The following SLC24A1 variants were observed in gnomAD, a reference collection of about 807,000 sequenced individuals.
SLC24A1 encodes the protein solute carrier family 24 member 1, also known as sodium/potassium/calcium exchanger 1.
In SLC24A1, 52 loss-of-function variants were observed where a neutral mutation model predicts 88.1. The observed-to-expected ratio is 0.59, with a 90% CI of 0.47 to 0.74. The LOEUF is 0.74. Ranked by LOEUF, SLC24A1 falls within the 30% of genes least tolerant of loss-of-function variation. SLC24A1 has a pLI of 0.00. For missense variants in SLC24A1, 1,173 were observed against 1,363.3 expected (o/e 0.86, Z 2.20); for synonymous variants, 455 against 498.0 (o/e 0.91, Z 1.15).
At chr15:65,651,976 G>A (rs2075525114) in intron 8 of SLC24A1, 2 of 551,106 alleles carry the variant, frequency 3.6e-6, no homozygotes, top group Non-Finnish European at 3.4e-6. Flanking sequence ...GGCATAGAAG[G>A]CCTTGGAATC....
rs1317539437 is a variant in SLC24A1 at position 65,625,161 on chromosome 15, C to T, written c.1081C>T (p.Pro361Ser). The change falls in exon 2 of 10, where the codon CCA becomes TCA. Residue 361 changes from proline (P) to serine (S), a missense_variant. Physicochemically the swap from Pro to Ser is moderately conservative, Grantham distance 74. Coordinates refer to ENST00000261892, the MANE Select transcript of SLC24A1 (RefSeq NM_004727.3). ...CAGTGTATCAGCCATCAAAACAGCC[C>T]CAGCCATAGTCTGGAGGCTGGCAAA... is the stretch of plus-strand genomic sequence containing the variant. ...RTSVSAIKTA[P>S]AIVWRLAKKP... 1.9e-6 allele frequency: 3 copies of T among 1,613,778 alleles called. No individual in the cohort carries two copies. The highest frequency in any genetic ancestry group is 1.7e-6 in the Non-Finnish European group (2 of 1,179,890).
intron 2 of SLC24A1, among the ~76,000 whole-genome samples, chr15:65,635,446 C>CAAAAAAAAAAAA (rs56960432): frequency 1.4e-3 from 79 of 58,256 alleles, no homozygotes; most frequent in African/African-American, 4.3e-3. Context: ...ACTCCGTCTC[C>CAAAAAAAAAAAA]AAAAAAAAAA....
intron 4 of SLC24A1, chr15:65,644,018 C>T: frequency 5.1e-6 from 1 of 197,250 alleles, no homozygotes; most frequent in Non-Finnish European, 1.0e-5. Flanking sequence ...ACAGACATTA[C>T]CAATCAATCA....
intron 8 of SLC24A1, chr15:65,652,254 C>T (rs1457523460): frequency 2.5e-5 from 7 of 283,670 alleles, no homozygotes; most frequent in Non-Finnish European, 4.1e-5. Flanking sequence ...CACCTCCAGC[C>T]TCTTAGTTCC....
chr15:65,611,495 T>G (rs1328048063), exon 1 of SLC24A1: 2 of 415,764 alleles, frequency 4.8e-6, no homozygotes, highest in African/African-American at 4.0e-5. Context: ...TGACTCTGTG[T>G]CCGCTTCACA....
intron 7 of SLC24A1, among the ~76,000 whole-genome samples, chr15:65,651,387 C>G (rs550538226): frequency 1.3e-5 from 2 of 152,262 alleles, no homozygotes; most frequent in East Asian, 3.9e-4. Flanking sequence ...AACCAGATAC[C>G]TAGATTGGCC....
At position 65,654,705 on chromosome 15, in the gene SLC24A1, TTC is replaced by T. The variant is rs1467425071; in HGVS notation, c.*628_*629del. The T allele has an allele frequency of 2.3e-6, 3 of 1,279,264 alleles. No homozygotes were observed. Among genetic ancestry groups the T allele is most frequent in the East Asian group, 5.6e-5 (1 of 17,980 alleles). 79.2% of individuals were successfully genotyped at this position (1,279,264 alleles called of 1,614,324 possible). Reference sequence around the variant, plus strand: ...CTGCATCTGGATATATACCAGTATTTTCTTTTTTTTTTTTTTTGAGACAGAGT... The same window carrying T: ...CTGCATCTGGATATATACCAGTATTTTTTTTTTTTTTTTTTGAGACAGAGT... On this transcript the variant is annotated 3_prime_UTR_variant, in exon 10 of 10. Transcript: ENST00000261892.
chr15:65,653,358 G>T (rs750768368), intron 9 of SLC24A1, among the ~76,000 whole-genome samples: 4 of 152,204 alleles, frequency 2.6e-5, no homozygotes, highest in Non-Finnish European at 4.4e-5. Context: ...TTGAATTTGT[G>T]TATGTGTATT....
upstream of SLC24A1, among the ~76,000 whole-genome samples, chr15:65,621,463 CT>C (rs1021306993): frequency 3.3e-5 from 5 of 152,164 alleles, no homozygotes; most frequent in Non-Finnish European, 5.9e-5. Context: ...TTGAAGTTTG[CT>C]TGGTGTTTTC....
rs2075466686 is a variant in SLC24A1 at position 65,650,711 on chromosome 15, T to G, written c.2562T>G (p.Ser854Arg). ...DEKGVEDGGG[S>R]DGGDSEEEEE... ...AAGGTGTAGAAGATGGAGGGGGAAGTGATGGAGGGGATAGCGAAGAGGAGG... is the reference window on the plus strand; with the variant it reads ...AAGGTGTAGAAGATGGAGGGGGAAGGGATGGAGGGGATAGCGAAGAGGAGG... The change falls in exon 7 of 10, where the codon AGT becomes AGG. Residue 854 changes from serine to arginine, a missense_variant. By Grantham distance (110) the Ser-to-Arg change is moderately radical. Coordinates refer to ENST00000261892, the MANE Select transcript of SLC24A1 (RefSeq NM_004727.3). The surrounding 1 kb of genome is among the most constrained non-coding windows in gnomAD (Gnocchi z 4.1). The G allele has an allele frequency of 6.5e-7, 1 of 1,546,006 alleles. No individual in the cohort carries two copies.
intron 2 of SLC24A1, among the ~76,000 whole-genome samples, chr15:65,630,648 C>T (rs1029294762): frequency 1.3e-5 from 2 of 152,204 alleles, no homozygotes; most frequent in Non-Finnish European, 2.9e-5. Flanking sequence ...GTTGAATGCT[C>T]AATTTTAGGG....
chr15:65,626,811 A>G (rs1258496363), intron 2 of SLC24A1, among the ~76,000 whole-genome samples: 5 of 152,178 alleles, frequency 3.3e-5, no homozygotes, highest in African/African-American at 1.2e-4. Flanking sequence ...GTTGGGAGTA[A>G]CTGGGACTAC....
chr15:65,629,756 A>G (rs2074646324), intron 2 of SLC24A1, among the ~76,000 whole-genome samples: 1 of 152,232 alleles, frequency 6.6e-6, no homozygotes, highest in South Asian at 2.1e-4. Flanking sequence ...TAGATTAGCC[A>G]GGAAGCACCA....
intron 8 of SLC24A1, chr15:65,652,297 T>C (rs780747566): frequency 2.5e-5 from 7 of 281,230 alleles, no homozygotes; most frequent in Non-Finnish European, 4.7e-5. Flanking sequence ...TTCCTGGAAA[T>C]AGAAATGCTG....
rs565350549 is a variant in SLC24A1 at position 65,645,637 on chromosome 15, G to A, written c.2166G>A (p.Ala722=). 54 of 1,575,424 alleles carry A rather than the reference G, an allele frequency of 3.4e-5. No homozygotes were observed. Among genetic ancestry groups the A allele is most frequent in the Non-Finnish European group, 3.8e-5 (44 of 1,160,480 alleles). Residue 722 remains alanine, a synonymous_variant, in exon 6 of 10, where the codon GCG becomes GCA. Coordinates refer to ENST00000261892, the MANE Select transcript of SLC24A1 (RefSeq NM_004727.3). ...PEEEEPAKLP[A]VTVTPAPVPD... ...AGGAGGAGCCAGCCAAGCTCCCTGC[G>A]GTCACGGTCACACCAGCCCCTGTTC...
rs1233939236 is a variant in SLC24A1 at position 65,639,032 on chromosome 15, CTG to C, written c.1945-562_1945-561del. Among the ~76,000 whole-genome samples, 8 of 152,264 alleles carry C rather than the reference CTG, an allele frequency of 5.3e-5. No homozygotes were observed. In the East Asian group the frequency reaches 1.5e-3, roughly 29 times the overall value. On this transcript the variant is annotated intron_variant, in intron 3 of 9. Transcript: ENST00000261892. ...AAAAAAACCAAAACAAAACTGAAAA[CTG>C]GGAATCAGAAGACCACAGAAGACCT...
Position 65,655,874 on chromosome 15 carries a change from AT to A in SLC24A1, c.*1796del, listed in dbSNP as rs2075666494. On this transcript the variant is annotated 3_prime_UTR_variant, in exon 10 of 10. Transcript: ENST00000261892. ...TCCCAATGGTATTTTACTTTACAAC[AT>A]GGATGGGCTCATCCTTATCTTTAGG... is the stretch of plus-strand genomic sequence containing the variant. 2 of 985,162 alleles carry A rather than the reference AT, an allele frequency of 2.0e-6. No individual in the cohort carries two copies. Among genetic ancestry groups the A allele is most frequent in the South Asian group, 9.4e-5 (2 of 21,288 alleles). 61.0% of individuals were successfully genotyped at this position (985,162 alleles called of 1,614,324 possible). A position where few individuals can be genotyped will look rare whatever the true frequency, so the allele number is the denominator to read the frequency against.
upstream of SLC24A1, among the ~76,000 whole-genome samples, chr15:65,619,233 T>C (rs1336703313): frequency 1.3e-5 from 2 of 152,246 alleles, no homozygotes; most frequent in African/African-American, 4.8e-5. Context: ...TCTTTCCTGG[T>C]TTCATAAATG....
chr15:65,612,652 C>T lies in SLC24A1; in HGVS notation c.-228+39C>T, dbSNP rs1596286229. On this transcript the variant is annotated intron_variant, in intron 2 of 11. Transcript: ENST00000537259. ...CAGCCTGATAACTTAGTCATGATTTCTAATCTTGCCCTATTGGGAGGGATG... is the reference window on the plus strand; with the variant it reads ...CAGCCTGATAACTTAGTCATGATTTTTAATCTTGCCCTATTGGGAGGGATG... The T allele has an allele frequency of 2.0e-5, 3 of 152,360 alleles. No homozygotes were observed. In the South Asian group the frequency reaches 6.2e-4, roughly 32 times the overall value. 9.4% of individuals were successfully genotyped at this position (152,360 alleles called of 1,614,324 possible).
Sources: gnomAD v4.1 joint callset for allele counts (sites outside exome capture counted in the v4.1 genomes callset) on GRCh38, gnomAD v4.1.1 for gene constraint, Gnocchi (gnomAD v3.1) non-coding constraint, MANE v1.5 for transcripts, NCBI Gene and HGNC (gene_info 2026-07-23, HGNC 2026-07-21) for gene names.